SYNE2: variants seen among roughly 807,000 people sequenced by gnomAD.
The protein encoded by SYNE2 is spectrin repeat containing nuclear envelope protein 2, also known as nesprin-2.
Under a neutral mutation model 856.3 loss-of-function variants are expected in SYNE2, and 431 were observed. The ratio of observed to expected loss-of-function variants is 0.50; its 90% CI spans 0.47 to 0.55. SYNE2 has a LOEUF of 0.55. Among genes scored for constraint, SYNE2 ranks in the 20% least tolerant of loss-of-function variants. The probability of loss-of-function intolerance (pLI) is 0.00; values close to 1 mark genes in which losing one functional copy is unlikely to be tolerated. For missense variants in SYNE2, 8,129 were observed against 8,023.2 expected (o/e 1.01, Z -0.50); for synonymous variants, 2,923 against 2,872.3 (o/e 1.02, Z -0.56).
intron 11 of SYNE2, among the ~76,000 whole-genome samples, chr14:63,974,890 G>GTATATATATATATATATATATATA (rs1281921502): frequency 7.3e-4 from 20 of 27,496 alleles, no homozygotes; most frequent in Admixed American, 1.4e-3. Context: ...GTGTGTGTGT[G>GTATATATATATATATATATATATA]TGTATATATA....
intron 48 of SYNE2, 73 bp from the exon 49 acceptor site, chr14:64,055,871 C>T (rs143611032): frequency 6.5e-5 from 77 of 1,186,370 alleles, no homozygotes; most frequent in African/African-American, 6.3e-4. Flanking sequence ...CTATGTACCA[C>T]GAAAACTTAA....
At chr14:63,997,799 T>C (rs1435412425) in intron 25 of SYNE2, among the ~76,000 whole-genome samples, 2 of 152,256 alleles carry the variant, frequency 1.3e-5, no homozygotes, top group Non-Finnish European at 1.5e-5. Context: ...TCTGTGGGAA[T>C]TGAATTTTCT....
At chr14:64,161,648 G>A (rs1157911359) in intron 87 of SYNE2, among the ~76,000 whole-genome samples, 2 of 151,656 alleles carry the variant, frequency 1.3e-5, no homozygotes. Context: ...CACTTTGGGA[G>A]GCTGAGGCAG....
chr14:63,970,303 C>T (rs1029519988), intron 11 of SYNE2, among the ~76,000 whole-genome samples: 1 of 152,314 alleles, frequency 6.6e-6, no homozygotes, highest in African/African-American at 2.4e-5. Flanking sequence ...ATCCGCCTGT[C>T]TCAGCCTCCC....
intron 1 of SYNE2, among the ~76,000 whole-genome samples, chr14:63,782,240 G>A (rs982692000): frequency 7.2e-5 from 11 of 151,982 alleles, no homozygotes; most frequent in African/African-American, 1.4e-4. Context: ...TTAGGAGGCC[G>A]AGGTGGGTGG....
At chr14:64,023,697 A>G (rs986016705) in intron 38 of SYNE2, 3 of 179,550 alleles carry the variant, frequency 1.7e-5, no homozygotes, top group Admixed American at 5.4e-5. Flanking sequence ...AGGGTAGACT[A>G]TCTATTACTT....
intron 110 of SYNE2, among the ~76,000 whole-genome samples, chr14:64,219,748 C>T (rs2098686153): frequency 6.6e-6 from 1 of 152,202 alleles, no homozygotes; most frequent in Non-Finnish European, 1.5e-5. Flanking sequence ...ACCACTCTTC[C>T]AAACTGTATG....
rs74501444 is a variant in SYNE2 at position 64,159,119 on chromosome 14, T to C, written c.15964-193T>C. ...TGCCTAAGTGCTAAGTACTTTATAT[T>C]ACTTAGTACTTAAAAGTTCAGCCTC... On this transcript the variant is annotated intron_variant, in intron 86 of 115. Coordinates refer to ENST00000555002, the MANE Select transcript of SYNE2 (RefSeq NM_182914.3). 7.3e-3 allele frequency among the ~76,000 whole-genome samples: 1,115 copies of C among 152,254 alleles called. 18 individuals are homozygous for C. The highest frequency in any genetic ancestry group is 0.025 in the African/African-American group (1,036 of 41,552).
At chr14:63,908,167 C>A (rs759080124) in intron 1 of SYNE2, among the ~76,000 whole-genome samples, 15 of 152,064 alleles carry the variant, frequency 9.9e-5, no homozygotes, top group Admixed American at 6.6e-5. Context: ...CCTCCCCCAG[C>A]ATTTTATTAT....
At chr14:63,904,159 T>C (rs1195972932) in intron 1 of SYNE2, among the ~76,000 whole-genome samples, 1 of 152,226 alleles carries the variant, frequency 6.6e-6, no homozygotes, top group East Asian at 1.9e-4. Flanking sequence ...GATTTTATTC[T>C]TTTTTATGGC....
intron 89 of SYNE2, 125 bp from the exon 90 acceptor site, chr14:64,165,160 T>C: frequency 1.0e-6 from 1 of 969,280 alleles, no homozygotes; most frequent in South Asian, 1.4e-5. Context: ...GTGCTGGGAT[T>C]ACAGCCATGA....
At chr14:63,766,109 T>A (rs1252707785) in intron 1 of SYNE2, among the ~76,000 whole-genome samples, 5 of 151,166 alleles carry the variant, frequency 3.3e-5, no homozygotes, top group Non-Finnish European at 5.9e-5. Context: ...AAGAGAGTCT[T>A]GCTCTGTCAC....
chr14:63,851,459 G>A (rs1890449815), upstream of SYNE2, among the ~76,000 whole-genome samples: 1 of 152,196 alleles, frequency 6.6e-6, no homozygotes, highest in Admixed American at 6.5e-5. Context: ...ATCATGCAAA[G>A]CTAGGTAGTC....
intron 64 of SYNE2, among the ~76,000 whole-genome samples, chr14:64,102,314 G>A (rs548253964): frequency 2.6e-5 from 4 of 152,074 alleles, no homozygotes; most frequent in South Asian, 4.2e-4. Context: ...ACGGGGTTTC[G>A]CCATGTTGCC....
At chr14:63,868,046 T>TA (rs917050858) in intron 1 of SYNE2, among the ~76,000 whole-genome samples, 2 of 151,306 alleles carry the variant, frequency 1.3e-5, no homozygotes, top group Non-Finnish European at 2.9e-5. Flanking sequence ...TAAGACTGTC[T>TA]AAAAAAAGAA....
At chr14:63,846,601 G>GTTTGTTTGT (rs1890235734) in intron 1 of SYNE2, among the ~76,000 whole-genome samples, 1 of 149,846 alleles carries the variant, frequency 6.7e-6, no homozygotes, top group African/African-American at 2.5e-5. Context: ...TTGTTTGTTT[G>GTTTGTTTGT]TTTGTTTGTT....
intron 10 of SYNE2, 111 bp downstream of exon 10, chr14:63,964,111 A>G (rs1465041305): frequency 6.8e-6 from 5 of 738,762 alleles, no homozygotes; most frequent in Non-Finnish European, 1.1e-5. Flanking sequence ...AAATTCACTG[A>G]AAGTTTTAAG....
chr14:63,811,375 C>T (rs1206953718), intron 1 of SYNE2, among the ~76,000 whole-genome samples: 1 of 152,130 alleles, frequency 6.6e-6, no homozygotes, highest in African/African-American at 2.4e-5. Flanking sequence ...TCTGCCTAAG[C>T]CTCCTGAGTA....
rs1387365871 is a variant in SYNE2 at position 63,976,558 on chromosome 14, T to C, written c.1129-5T>C. ...ATATGTTCTTTTTTTTTTTTTTTTTTTCAGATTAATGCATGGAAAATAAAG... is the reference window on the plus strand; with the variant it reads ...ATATGTTCTTTTTTTTTTTTTTTTTCTCAGATTAATGCATGGAAAATAAAG... On this transcript the variant is annotated splice_region_variant and splice_polypyrimidine_tract_variant and intron_variant, in intron 11 of 115. Transcript: ENST00000555002. 2.5e-6 allele frequency: 4 copies of C among 1,575,184 alleles called. No homozygotes were observed. The East Asian group carries it at 6.8e-5, about 27-fold the overall frequency.
Sources: allele counts gnomAD v4.1 joint callset (sites outside exome capture counted in the v4.1 genomes callset), GRCh38; gene constraint gnomAD v4.1.1; transcripts MANE v1.5; gene names NCBI Gene and HGNC (gene_info 2026-07-23, HGNC 2026-07-21).